SLX9: variants seen among roughly 807,000 people sequenced by gnomAD.
The protein encoded by SLX9 is ribosome biogenesis protein SLX9 homolog.
In SLX9, 19 loss-of-function variants were observed where a neutral mutation model predicts 20.8. The ratio of observed to expected loss-of-function variants is 0.91; its 90% confidence interval spans 0.64 to 1.34. The LOEUF (loss-of-function observed/expected upper bound fraction) is 1.34, where lower values mean the gene tolerates loss of function less well. SLX9 is among the 40% of genes most tolerant of loss of function. The pLI is 0.00. For missense variants in SLX9, 299 were observed against 322.2 expected (o/e 0.93, Z 0.55); for synonymous variants, 113 against 137.1 (o/e 0.82, Z 1.23).
At chr21:44,948,676 C>T (rs901113321) in intron 2 of SLX9, among the ~76,000 whole-genome samples, 1 of 151,914 alleles carries the variant, frequency 6.6e-6, no homozygotes, top group African/African-American at 2.4e-5. Flanking sequence ...GGCTTGGGGG[C>T]GGTGGGGGCA....
chr21:44,949,706 G>A (rs1021903930), intron 2 of SLX9, among the ~76,000 whole-genome samples: 1 of 152,186 alleles, frequency 6.6e-6, no homozygotes, highest in African/African-American at 2.4e-5. Flanking sequence ...TGCGTCTGCA[G>A]GCGTGTTGGA....
intron 1 of SLX9, among the ~76,000 whole-genome samples, chr21:44,940,670 GGAT>G (rs1459842539): frequency 4.0e-5 from 3 of 75,754 alleles, no homozygotes; most frequent in Non-Finnish European, 7.3e-5. Context: ...ATTGCTTTCA[GGAT>G]TTTTTTTTTT....
intron 2 of SLX9, among the ~76,000 whole-genome samples, chr21:44,952,007 G>A (rs2084767371): frequency 2.0e-5 from 3 of 147,782 alleles, no homozygotes; most frequent in Admixed American, 6.6e-5. Context: ...CTGGGTACAC[G>A]TGTCGTGGGC....
At chr21:44,945,564 T>C (rs2084627104) in intron 2 of SLX9, among the ~76,000 whole-genome samples, 1 of 152,230 alleles carries the variant, frequency 6.6e-6, no homozygotes. Context: ...TAGGGAGACG[T>C]CACGCTCACG....
In SLX9 at chr21:44,967,059, G is replaced by A. The variant is rs369863667; in HGVS notation, c.378G>A (p.Glu126=). 1 of 1,611,526 alleles carries A rather than the reference G, an allele frequency of 6.2e-7. No homozygotes were observed. Among genetic ancestry groups the A allele is most frequent in the African/African-American group, 1.3e-5 (1 of 75,002 alleles). Residue 126 remains glutamate, a synonymous_variant, in exon 4 of 6, where the codon GAG becomes GAA. Transcript: ENST00000291634. ...LQKIEAIKLA[E]QKHREERRRR... is the part of the protein sequence containing the mutation. ...AAATCGAAGCCATAAAACTGGCTGA[G>A]CAGAAGCACAGGGAGGAGCGGAGGC...
chr21:44,960,653 C>T (rs1287996190), intron 3 of SLX9, among the ~76,000 whole-genome samples: 4 of 152,256 alleles, frequency 2.6e-5, no homozygotes, highest in Non-Finnish European at 2.9e-5. Context: ...CTGCGCATAG[C>T]GGCGTGGGTG....
At chr21:44,947,726 G>T (rs1239779646) in intron 2 of SLX9, among the ~76,000 whole-genome samples, 2 of 152,156 alleles carry the variant, frequency 1.3e-5, no homozygotes, top group East Asian at 3.9e-4. Flanking sequence ...TCCTGGGAGG[G>T]ACCCTCTGAG....
chr21:44,951,807 A>G (rs1262803272), intron 2 of SLX9, among the ~76,000 whole-genome samples: 1 of 152,090 alleles, frequency 6.6e-6, no homozygotes, highest in East Asian at 1.9e-4. Flanking sequence ...ATCTCAGGAA[A>G]GGCCCTTAGC....
chr21:44,941,719 G>A (rs1289538082), intron 1 of SLX9, among the ~76,000 whole-genome samples: 1 of 152,176 alleles, frequency 6.6e-6, no homozygotes, highest in African/African-American at 2.4e-5. Context: ...CCTTGAACAT[G>A]CGCACAGCCT....
At position 44,942,960 on chromosome 21, in the gene SLX9, T is replaced by G. The variant is rs2084575956; in HGVS notation, c.130-724T>G. Among the ~76,000 whole-genome samples, 3 of 152,226 alleles carry G rather than the reference T, an allele frequency of 2.0e-5. No homozygotes were observed. The South Asian group carries it at 6.2e-4, about 32-fold the overall frequency. ...ACAGGGAGGGGGTTAATATGCCCTC[T>G]TGGTACCTGCTATATTTTTAAGTGC... On this transcript the variant is annotated intron_variant, in intron 1 of 5. Coordinates refer to ENST00000291634, the MANE Select transcript of SLX9 (RefSeq NM_058190.4).
chr21:44,963,720 C>T (rs1158941797), intron 3 of SLX9, among the ~76,000 whole-genome samples: 1 of 152,136 alleles, frequency 6.6e-6, no homozygotes, highest in Non-Finnish European at 1.5e-5. Flanking sequence ...CAGAAAGTCT[C>T]ATAAGTGTGG....
chr21:44,960,185 G>C lies in SLX9; in HGVS notation c.352+17G>C. The C allele has an allele frequency of 6.2e-7, 1 of 1,613,026 alleles. No homozygotes were observed. Among genetic ancestry groups the C allele is most frequent in the Non-Finnish European group, 8.5e-7 (1 of 1,178,956 alleles). The stretch of plus-strand genomic sequence containing the variant: ...GGTTGCAGAGTAAGTCCATGCCTGC[G>C]TCTTGAGGCAGCTGCCGGCCCAAGT... On this transcript the variant is annotated intron_variant, in intron 3 of 5. Coordinates refer to ENST00000291634, the MANE Select transcript of SLX9 (RefSeq NM_058190.4).
rs538411569 is a variant in SLX9 at position 44,950,292 on chromosome 21, A to G, written c.283+6455A>G. On this transcript the variant is annotated intron_variant, in intron 2 of 5. Coordinates refer to ENST00000291634, the MANE Select transcript of SLX9 (RefSeq NM_058190.4). ...TTTTTACAGTTGTGAAGTCAAGGGTATGACAGGAAACCATGCAGAATGTAC... is the reference window on the plus strand; with the variant it reads ...TTTTTACAGTTGTGAAGTCAAGGGTGTGACAGGAAACCATGCAGAATGTAC... Among the ~76,000 whole-genome samples, 9 of 11,246 alleles carry G rather than the reference A, an allele frequency of 8.0e-4. No individual in the cohort carries two copies. The African/African-American group carries it at 8.1e-3, about 10-fold the overall frequency. 7.4% of individuals were successfully genotyped at this position (11,246 alleles called of 152,430 possible). A position where few individuals can be genotyped will look rare whatever the true frequency, so the allele number is the denominator to read the frequency against.
Position 44,940,071 on chromosome 21 carries a change from G to A in SLX9, c.14G>A (p.Arg5Lys). ...TCCGCCGGGAAGATGGGGAAAGTGAGGGGGTTGCGCGCCCGAGTGCACCAG... is the reference window on the plus strand; with the variant it reads ...TCCGCCGGGAAGATGGGGAAAGTGAAGGGGTTGCGCGCCCGAGTGCACCAG... MGKV[R>K]GLRARVHQAA... The change falls in exon 1 of 6, where the codon AGG becomes AAG. Residue 5 changes from arginine to lysine, a missense_variant. Coordinates refer to ENST00000291634, the MANE Select transcript of SLX9 (RefSeq NM_058190.4). 1 of 1,462,002 alleles carries A rather than the reference G, an allele frequency of 6.8e-7. No homozygotes were observed. The highest frequency in any genetic ancestry group is 9.0e-7 in the Non-Finnish European group (1 of 1,106,648). 90.6% of individuals were successfully genotyped at this position (1,462,002 alleles called of 1,614,324 possible). A position where few individuals can be genotyped will look rare whatever the true frequency, so the allele number is the denominator to read the frequency against.
At chr21:44,960,245 A>G in intron 3 of SLX9, 77 bp downstream of exon 3, 3 of 1,364,936 alleles carry the variant, frequency 2.2e-6, no homozygotes, top group Non-Finnish European at 2.1e-6. Context: ...CTACAGCCTC[A>G]CATCTGGCCT....
chr21:44,971,658 C>T lies in SLX9; in HGVS notation c.501-1539C>T, dbSNP rs574057670. On this transcript the variant is annotated intron_variant, in intron 4 of 5. Coordinates refer to ENST00000291634, the MANE Select transcript of SLX9 (RefSeq NM_058190.4). ...CGGGCTCAGGTCTCCTGACCCAGCA[C>T]GTGGCTGCCCAGAGCCCTGGCACCA... Among the ~76,000 whole-genome samples, 11 of 148,268 alleles carry T rather than the reference C, an allele frequency of 7.4e-5. No individual in the cohort carries two copies. In the South Asian group the frequency reaches 8.6e-4, roughly 12 times the overall value.
At position 44,973,028 on chromosome 21, in the gene SLX9, T is replaced by C. The variant is rs1422126540; in HGVS notation, c.501-169T>C. 9.7e-5 allele frequency: 15 copies of C among 155,166 alleles called. No homozygotes were observed. In the South Asian group the frequency reaches 1.5e-3, roughly 15 times the overall value. The allele number at this position is 155,166 out of a possible 1,614,324, so 9.6% of individuals were successfully genotyped here. Reference sequence around the variant, plus strand: ...CAGGCAGTTGCACTGCTTGTCCAGGTCTCGCCTCCATGGCCACAGTGCAGC... The same window carrying C: ...CAGGCAGTTGCACTGCTTGTCCAGGCCTCGCCTCCATGGCCACAGTGCAGC... On this transcript the variant is annotated intron_variant, in intron 4 of 5. Coordinates refer to ENST00000291634, the MANE Select transcript of SLX9 (RefSeq NM_058190.4).
At chr21:44,966,266 C>G (rs2085032203) in intron 3 of SLX9, among the ~76,000 whole-genome samples, 1 of 152,092 alleles carries the variant, frequency 6.6e-6, no homozygotes, top group South Asian at 2.1e-4. Context: ...CTCTGGAAAC[C>G]TGGGCATTCC....
chr21:44,959,857 G>A (rs2084922909), intron 2 of SLX9, among the ~76,000 whole-genome samples: 1 of 152,224 alleles, frequency 6.6e-6, no homozygotes, highest in Admixed American at 6.5e-5. Context: ...GGGCAGGCTG[G>A]GGTGAGTGGC....
Sources: gnomAD v4.1 joint callset for allele counts (sites outside exome capture counted in the v4.1 genomes callset) on GRCh38, gnomAD v4.1.1 for gene constraint, MANE v1.5 for transcripts, NCBI Gene and HGNC (gene_info 2026-07-23, HGNC 2026-07-21) for gene names.